The following RANBP2 variants were observed in gnomAD, a reference collection of about 807,000 sequenced individuals.
RANBP2 encodes the protein RAN binding protein 2, also known as E3 SUMO-protein ligase RanBP2.
Under a neutral mutation model 303.6 loss-of-function variants are expected in RANBP2, and 57 were observed. The ratio of observed to expected loss-of-function variants is 0.19; its 90% confidence interval spans 0.15 to 0.23. The LOEUF (loss-of-function observed/expected upper bound fraction) is 0.23. Among genes scored for constraint, RANBP2 ranks in the 10% least tolerant of loss-of-function variants. The pLI, the probability that RANBP2 is intolerant of heterozygous loss-of-function variation, is 1.00. For missense variants in RANBP2, 3,138 were observed against 3,780.8 expected (o/e 0.83, Z 4.46); for synonymous variants, 1,167 against 1,301.5 (o/e 0.90, Z 2.23).
chr2:109,290,968 G>A, the RANBP2 span, among the ~76,000 whole-genome samples: 5 of 152,240 alleles, frequency 3.3e-5, no homozygotes, highest in Admixed American at 1.3e-4. Context: ...GCAATATGCC[G>A]GGTACATAGT....
At chr2:109,438,749 T>G in the RANBP2 span, among the ~76,000 whole-genome samples, 1 of 152,186 alleles carries the variant, frequency 6.6e-6, no homozygotes, top group Non-Finnish European at 1.5e-5. Flanking sequence ...GATACAGTCA[T>G]TGCAGTTGGC....
At chr2:108,846,762 AGGAGATTGG>A in the RANBP2 span, 1 of 1,612,018 alleles carries the variant, frequency 6.2e-7, no homozygotes, top group Non-Finnish European at 8.5e-7. Context: ...ATCAACATTG[AGGAGATTGG>A]GTGAAGACAT....
At chr2:108,996,579 G>A in the RANBP2 span, among the ~76,000 whole-genome samples, 1 of 152,182 alleles carries the variant, frequency 6.6e-6, no homozygotes, top group Non-Finnish European at 1.5e-5. Flanking sequence ...CACTGACTGG[G>A]AGAGAGTATG....
At chr2:108,930,426 G>C in the RANBP2 span, among the ~76,000 whole-genome samples, 5 of 152,086 alleles carry the variant, frequency 3.3e-5, no homozygotes, top group Non-Finnish European at 7.4e-5. Context: ...GCTCCTGGTT[G>C]ATCACCTGGG....
chr2:108,750,942 G>A (rs1383736796), intron 9 of RANBP2, among the ~76,000 whole-genome samples: 3 of 152,052 alleles, frequency 2.0e-5, no homozygotes, highest in Admixed American at 2.0e-4. Flanking sequence ...TCGTTTTGGG[G>A]TTTCTTATTA....
At chr2:109,193,243 G>T in the RANBP2 span, among the ~76,000 whole-genome samples, 7 of 152,162 alleles carry the variant, frequency 4.6e-5, no homozygotes, top group South Asian at 4.1e-4. Flanking sequence ...AGAGAAATAG[G>T]TTCCTGTCAT....
chr2:109,164,516 G>C, the RANBP2 span, among the ~76,000 whole-genome samples: 1 of 152,114 alleles, frequency 6.6e-6, no homozygotes, highest in South Asian at 2.1e-4. Context: ...AGACTCTTCG[G>C]CCAAGCCTGG....
chr2:109,357,903 A>G, the RANBP2 span, among the ~76,000 whole-genome samples: 1 of 152,216 alleles, frequency 6.6e-6, no homozygotes. Flanking sequence ...GTTACAATCA[A>G]TGAGCCTATA....
the RANBP2 span, among the ~76,000 whole-genome samples, chr2:109,404,391 C>T: frequency 6.9e-3 from 1,054 of 152,336 alleles, 10 homozygotes; most frequent in African/African-American, 0.024. Flanking sequence ...CAGGCCAGCG[C>T]CTGGCCTCTG....
chr2:109,350,632 A>G, the RANBP2 span, among the ~76,000 whole-genome samples: 1 of 152,186 alleles, frequency 6.6e-6, no homozygotes, highest in Non-Finnish European at 1.5e-5. Flanking sequence ...GGGCAACTCC[A>G]TGTGACTCTC....
the RANBP2 span, among the ~76,000 whole-genome samples, chr2:109,299,144 G>A: frequency 6.6e-6 from 1 of 152,222 alleles, no homozygotes; most frequent in Non-Finnish European, 1.5e-5. Flanking sequence ...CTCCCCATGG[G>A]TGTTGCCTCC....
At chr2:109,121,273 A>G in the RANBP2 span, among the ~76,000 whole-genome samples, 1 of 151,860 alleles carries the variant, frequency 6.6e-6, no homozygotes, top group Admixed American at 6.6e-5. Flanking sequence ...ACAAAACAAA[A>G]CAAAACAAAA....
At chr2:109,241,422 A>G in the RANBP2 span, among the ~76,000 whole-genome samples, 3 of 152,244 alleles carry the variant, frequency 2.0e-5, no homozygotes, top group African/African-American at 2.4e-5. Flanking sequence ...ATTGGGGGAA[A>G]AAATGGCTGG....
At chr2:109,135,714 A>G in the RANBP2 span, among the ~76,000 whole-genome samples, 1 of 152,080 alleles carries the variant, frequency 6.6e-6, no homozygotes, top group African/African-American at 2.4e-5. Flanking sequence ...CTTTGCCTCT[A>G]GATTCAGTCA....
chr2:109,138,594 CGCT>C, the RANBP2 span, among the ~76,000 whole-genome samples: 1 of 152,166 alleles, frequency 6.6e-6, no homozygotes, highest in African/African-American at 2.4e-5. Context: ...CTGGGCAGCC[CGCT>C]GCTGCTGGTT....
chr2:109,579,406 G>A, the RANBP2 span, among the ~76,000 whole-genome samples: 1 of 143,220 alleles, frequency 7.0e-6, no homozygotes, highest in African/African-American at 2.6e-5. Flanking sequence ...TTTTTGAGAT[G>A]GAGTTTCGCT....
At chr2:109,229,474 C>T in the RANBP2 span, among the ~76,000 whole-genome samples, 1 of 152,206 alleles carries the variant, frequency 6.6e-6, no homozygotes, top group Non-Finnish European at 1.5e-5. Context: ...GACAGCTTCT[C>T]AGACTGGTCC....
chr2:109,688,647 C>T, the RANBP2 span, among the ~76,000 whole-genome samples: 8 of 151,518 alleles, frequency 5.3e-5, no homozygotes, highest in Non-Finnish European at 1.0e-4. Flanking sequence ...GGCGTAGTGG[C>T]GCACGCCTGT....
chr2:109,498,172 C>A, the RANBP2 span, among the ~76,000 whole-genome samples: 13 of 152,188 alleles, frequency 8.5e-5, no homozygotes. Flanking sequence ...CCTGCATGTC[C>A]CTGAGAGCAG....
Sources: allele counts gnomAD v4.1 joint callset (sites outside exome capture counted in the v4.1 genomes callset), GRCh38; gene constraint gnomAD v4.1.1; transcripts MANE v1.5; gene names NCBI Gene and HGNC (gene_info 2026-07-23, HGNC 2026-07-21).